SGCZ: variants seen among roughly 807,000 people sequenced by gnomAD.
SGCZ encodes the protein zeta-sarcoglycan.
In SGCZ, 40 loss-of-function variants were observed where a neutral mutation model predicts 41.3. The observed-to-expected ratio is 0.97, with a 90% confidence interval of 0.75 to 1.26. The LOEUF (loss-of-function observed/expected upper bound fraction) is 1.26. Among genes scored for constraint, SGCZ ranks in the 50% most tolerant of loss-of-function variants. The probability of loss-of-function intolerance (pLI) is 0.00; values close to 1 mark genes in which losing one functional copy is unlikely to be tolerated. For missense variants in SGCZ, 552 were observed against 369.8 expected (o/e 1.49, Z -4.04); for synonymous variants, 206 against 137.5 (o/e 1.50, Z -3.49).
At chr8:14,282,989 A>G (rs1254200730) in intron 3 of SGCZ, among the ~76,000 whole-genome samples, 1 of 149,204 alleles carries the variant, frequency 6.7e-6, no homozygotes, top group African/African-American at 2.5e-5. Flanking sequence ...AGCTGGGACT[A>G]CAGGTGCCCG....
intron 1 of SGCZ, among the ~76,000 whole-genome samples, chr8:14,580,132 C>G (rs900499510): frequency 6.6e-6 from 1 of 152,110 alleles, no homozygotes; most frequent in Non-Finnish European, 1.5e-5. Context: ...AACATAATCA[C>G]AAACACAGAA....
At chr8:14,914,845 C>G (rs1422883853) in intron 1 of SGCZ, among the ~76,000 whole-genome samples, 1 of 152,154 alleles carries the variant, frequency 6.6e-6, no homozygotes, top group Non-Finnish European at 1.5e-5. Context: ...GCAGGCACTT[C>G]AGAAGGCCTC....
At chr8:14,341,528 C>T (rs140293999) in intron 2 of SGCZ, among the ~76,000 whole-genome samples, 175 of 152,184 alleles carry the variant, frequency 1.1e-3, no homozygotes, top group African/African-American at 3.5e-3. Context: ...AGTGACAAGA[C>T]GCTGAAAATC....
chr8:14,372,515 T>C (rs1444887388), intron 2 of SGCZ, among the ~76,000 whole-genome samples: 1 of 152,092 alleles, frequency 6.6e-6, no homozygotes, highest in Non-Finnish European at 1.5e-5. Flanking sequence ...ATATAGTATA[T>C]GGGCTGGTAA....
intron 4 of SGCZ, among the ~76,000 whole-genome samples, chr8:14,193,769 C>T (rs1458226093): frequency 6.6e-6 from 1 of 151,584 alleles, no homozygotes; most frequent in African/African-American, 2.4e-5. Flanking sequence ...TAGCTTGTCA[C>T]CCTTGTCCAG....
At chr8:14,147,798 A>G (rs778706204) in intron 5 of SGCZ, among the ~76,000 whole-genome samples, 11 of 152,168 alleles carry the variant, frequency 7.2e-5, no homozygotes, top group Non-Finnish European at 1.5e-4. Flanking sequence ...GGGATAGACT[A>G]TATGTTAGGT....
At chr8:14,777,407 G>C (rs148356919) in intron 1 of SGCZ, among the ~76,000 whole-genome samples, 1 of 152,260 alleles carries the variant, frequency 6.6e-6, no homozygotes, top group African/African-American at 2.4e-5. Flanking sequence ...TGGGAAAAGT[G>C]ATTTTAAATG....
At chr8:14,903,484 G>T (rs946273100) in intron 1 of SGCZ, among the ~76,000 whole-genome samples, 1 of 151,984 alleles carries the variant, frequency 6.6e-6, no homozygotes, top group Non-Finnish European at 1.5e-5. Flanking sequence ...GGGTTATCTG[G>T]GTTACTGTTA....
At chr8:14,095,810 G>A (rs539631468) in intron 7 of SGCZ, among the ~76,000 whole-genome samples, 2 of 152,184 alleles carry the variant, frequency 1.3e-5, no homozygotes, top group East Asian at 3.9e-4. Flanking sequence ...CCTTGAAGAG[G>A]TGCTTCACAT....
intron 3 of SGCZ, among the ~76,000 whole-genome samples, chr8:14,268,681 T>C (rs1037095623): frequency 3.5e-4 from 53 of 151,896 alleles, no homozygotes; most frequent in African/African-American, 1.0e-3. Flanking sequence ...TGGTGGCATA[T>C]ATATGTGTTA....
At chr8:14,603,088 C>G (rs1805644937) in intron 1 of SGCZ, among the ~76,000 whole-genome samples, 1 of 152,058 alleles carries the variant, frequency 6.6e-6, no homozygotes, top group Admixed American at 6.6e-5. Flanking sequence ...CGGGGGCAAC[C>G]CATTGTGAAG....
intron 1 of SGCZ, among the ~76,000 whole-genome samples, chr8:14,900,043 T>G (rs1226504126): frequency 6.6e-6 from 1 of 152,110 alleles, no homozygotes; most frequent in Admixed American, 6.6e-5. Context: ...TTTTCTCCAG[T>G]GTTCTGTGGA....
In SGCZ at chr8:14,493,359, C is replaced by CTTTTTTTTTTTTTTTTTTTTTTTTTTTT. The variant is rs57898016; in HGVS notation, c.234+61345_234+61372dup. Among the ~76,000 whole-genome samples, 346 of 44,264 alleles carry CTTTTTTTTTTTTTTTTTTTTTTTTTTTT rather than the reference C, an allele frequency of 7.8e-3. 53 individuals are homozygous for CTTTTTTTTTTTTTTTTTTTTTTTTTTTT. Among genetic ancestry groups the CTTTTTTTTTTTTTTTTTTTTTTTTTTTT allele is most frequent in the African/African-American group, 0.011 (150 of 13,246 alleles). The allele number at this position is 44,264 out of a possible 152,430, so 29.0% of individuals were successfully genotyped here. ...CATACTTTTCCCACTATCATCCTTTCTTTTTTTTTTTTTTTTTTTTTTTTT... is the reference window on the plus strand; with the variant it reads ...CATACTTTTCCCACTATCATCCTTTCTTTTTTTTTTTTTTTTTTTTTTTTTTTTTTTTTTTTTTTTTTTTTTTTTTTTT... On this transcript the variant is annotated intron_variant, in intron 2 of 7. Transcript: ENST00000382080.
At chr8:14,541,176 C>G (rs572708156) in intron 2 of SGCZ, among the ~76,000 whole-genome samples, 1 of 152,026 alleles carries the variant, frequency 6.6e-6, no homozygotes, top group Middle Eastern at 3.4e-3. Context: ...GATACAGGTA[C>G]TGAATGTGTA....
chr8:14,844,215 C>T (rs2130634915), intron 1 of SGCZ, among the ~76,000 whole-genome samples: 1 of 152,078 alleles, frequency 6.6e-6, no homozygotes, highest in East Asian at 1.9e-4. Context: ...TACCTGTTTC[C>T]ACTGTAAGCA....
At chr8:14,754,565 G>C (rs952573154) in intron 1 of SGCZ, among the ~76,000 whole-genome samples, 1 of 152,104 alleles carries the variant, frequency 6.6e-6, no homozygotes, top group African/African-American at 2.4e-5. Flanking sequence ...ATAGTGGCTG[G>C]TACATTATAG....
chr8:14,332,704 A>G (rs1261384782), intron 2 of SGCZ: 4 of 151,702 alleles, frequency 2.6e-5, no homozygotes, highest in Non-Finnish European at 1.5e-5. Flanking sequence ...CAAATAAGGA[A>G]CCACCCAGAG....
chr8:15,136,441 G>A (rs1437180150), intron 1 of SGCZ, among the ~76,000 whole-genome samples: 1 of 151,738 alleles, frequency 6.6e-6, no homozygotes, highest in Admixed American at 6.6e-5. Context: ...GACGAAGTAG[G>A]AGAGACTGTG....
At chr8:14,777,676 T>C (rs367643055) in intron 1 of SGCZ, among the ~76,000 whole-genome samples, 2 of 152,160 alleles carry the variant, frequency 1.3e-5, no homozygotes, top group Admixed American at 6.5e-5. Context: ...GAGGACATGA[T>C]GTTTGCAACT....
Sources: allele counts gnomAD v4.1 joint callset (sites outside exome capture counted in the v4.1 genomes callset), GRCh38; gene constraint gnomAD v4.1.1; transcripts MANE v1.5; gene names NCBI Gene and HGNC (gene_info 2026-07-23, HGNC 2026-07-21).